TMEM131: variants seen among roughly 807,000 people sequenced by gnomAD.
The protein encoded by TMEM131 is 2610524E03Rik.
TMEM131 carries 66 observed loss-of-function variants against 211.6 expected under a neutral mutation model. The observed-to-expected ratio is 0.31, with a 90% CI of 0.26 to 0.38. The LOEUF (loss-of-function observed/expected upper bound fraction) is 0.38. Ranked by LOEUF, TMEM131 falls within the 10% of genes least tolerant of loss-of-function variation. The pLI, the probability that TMEM131 is intolerant of heterozygous loss-of-function variation, is 1.00. For missense variants in TMEM131, 2,036 were observed against 2,299.3 expected, an observed-to-expected ratio of 0.89 and a Z score of 2.34; for synonymous variants, 844 against 841.3, an observed-to-expected ratio of 1.00 and a Z score of -0.06.
At chr2:97,965,962 T>C (rs1679036649) in intron 1 of TMEM131, among the ~76,000 whole-genome samples, 1 of 151,712 alleles carries the variant, frequency 6.6e-6, no homozygotes, top group Non-Finnish European at 1.5e-5. Flanking sequence ...AGAACAGTAA[T>C]GCAAGGATAA....
intron 38 of TMEM131, chr2:97,760,363 A>T: frequency 1.8e-6 from 1 of 562,744 alleles, no homozygotes; most frequent in Non-Finnish European, 3.2e-6. Flanking sequence ...TGGCTGAGAC[A>T]GGCATGGGTG....
At chr2:97,781,135 C>T (rs1339208398) in intron 31 of TMEM131, among the ~76,000 whole-genome samples, 4 of 152,200 alleles carry the variant, frequency 2.6e-5, no homozygotes, top group Admixed American at 1.3e-4. Flanking sequence ...TTTCCAGGCT[C>T]CCGGCATGGA....
intron 5 of TMEM131, among the ~76,000 whole-genome samples, chr2:97,856,474 G>T (rs1056997792): frequency 9.9e-5 from 15 of 152,072 alleles, no homozygotes; most frequent in African/African-American, 3.6e-4. Flanking sequence ...GTAAAACTTA[G>T]TTTGAACAAT....
At chr2:97,842,961 T>C (rs1158929043) in intron 6 of TMEM131, among the ~76,000 whole-genome samples, 5 of 151,684 alleles carry the variant, frequency 3.3e-5, no homozygotes, top group African/African-American at 7.3e-5. Flanking sequence ...TTACTCACCA[T>C]ACATAAGCAG....
rs139364773 is a variant in TMEM131 at position 97,929,150 on chromosome 2, C to T, written c.188-1663G>A. ...GGAAATACACGAGATGAGAATGGAGCATCCTATAGTGCCGGAAAGTAAAAA... is the reference window on the plus strand; with the variant it reads ...GGAAATACACGAGATGAGAATGGAGTATCCTATAGTGCCGGAAAGTAAAAA... On this transcript the variant is annotated intron_variant, in intron 1 of 40. Coordinates refer to ENST00000186436, the MANE Select transcript of TMEM131 (RefSeq NM_015348.2). Among the ~76,000 whole-genome samples, 24 of 151,582 alleles carry T rather than the reference C, an allele frequency of 1.6e-4. 2 individuals are homozygous for T. Among genetic ancestry groups the T allele is most frequent in the African/African-American group, 5.4e-4 (22 of 40,986 alleles).
chr2:97,842,073 A>AC, intron 6 of TMEM131, 136 bp from the exon 7 acceptor site: 1 of 848,980 alleles, frequency 1.2e-6, no homozygotes, highest in Non-Finnish European at 1.6e-6. Context: ...TTTAAAAAAA[A>AC]CCCCCACAAA....
intron 4 of TMEM131, among the ~76,000 whole-genome samples, chr2:97,884,621 T>C (rs1675066937): frequency 6.6e-6 from 1 of 152,210 alleles, no homozygotes; most frequent in South Asian, 2.1e-4. Flanking sequence ...TGCATATATA[T>C]TTCCAACTGT....
At chr2:97,863,653 C>A (rs1338670684) in intron 4 of TMEM131, among the ~76,000 whole-genome samples, 1 of 152,180 alleles carries the variant, frequency 6.6e-6, no homozygotes, top group East Asian at 1.9e-4. Flanking sequence ...AAAAAATGCT[C>A]AATATGACTA....
At chr2:97,947,517 A>T (rs994505519) in intron 1 of TMEM131, among the ~76,000 whole-genome samples, 2 of 152,140 alleles carry the variant, frequency 1.3e-5, no homozygotes, top group African/African-American at 4.8e-5. Flanking sequence ...CAAAATACTA[A>T]GATAAATATT....
intron 1 of TMEM131, among the ~76,000 whole-genome samples, chr2:97,940,664 C>T (rs538758968): frequency 6.2e-4 from 94 of 151,992 alleles, no homozygotes; most frequent in African/African-American, 2.0e-3. Flanking sequence ...AAAACTTAGC[C>T]GGGTGTGGTG....
intron 31 of TMEM131, among the ~76,000 whole-genome samples, chr2:97,778,103 G>A (rs1679820363): frequency 6.6e-6 from 1 of 152,070 alleles, no homozygotes; most frequent in South Asian, 2.1e-4. Flanking sequence ...TTGGGTGAGG[G>A]GCAGTAAATC....
chr2:97,835,392 T>C (rs1211468651), intron 8 of TMEM131, among the ~76,000 whole-genome samples: 1 of 152,232 alleles, frequency 6.6e-6, no homozygotes, highest in Non-Finnish European at 1.5e-5. Flanking sequence ...CACTGCTCTT[T>C]CATGGAAAAC....
intron 5 of TMEM131, among the ~76,000 whole-genome samples, chr2:97,850,834 T>C (rs148425113): frequency 3.3e-5 from 5 of 152,174 alleles, no homozygotes; most frequent in Non-Finnish European, 7.3e-5. Context: ...TGAAAATGTA[T>C]CCAGAGGAAA....
At chr2:97,957,632 A>G (rs1678631281) in intron 1 of TMEM131, among the ~76,000 whole-genome samples, 1 of 152,170 alleles carries the variant, frequency 6.6e-6, no homozygotes, top group Non-Finnish European at 1.5e-5. Context: ...TTACCTCTTC[A>G]AGACATTAGT....
chr2:97,820,818 T>C (rs1018507299), intron 11 of TMEM131, among the ~76,000 whole-genome samples: 12 of 151,224 alleles, frequency 7.9e-5, no homozygotes, highest in Admixed American at 2.6e-4. Context: ...ATTGGGACAC[T>C]GCACTCCAGC....
chr2:97,883,305 G>T (rs1331059810), intron 4 of TMEM131, among the ~76,000 whole-genome samples: 1 of 152,098 alleles, frequency 6.6e-6, no homozygotes, highest in Non-Finnish European at 1.5e-5. Flanking sequence ...GCTGCTTTGG[G>T]GAACAGTCTT....
intron 1 of TMEM131, among the ~76,000 whole-genome samples, chr2:97,972,502 GGGCAGGCA>G (rs569396801): frequency 2.4e-4 from 36 of 150,732 alleles, no homozygotes; most frequent in Admixed American, 4.6e-4. Context: ...GCAGGCAGGC[GGGCAGGCA>G]GGCAGGCAGG....
intron 11 of TMEM131, among the ~76,000 whole-genome samples, chr2:97,830,150 A>AC (rs1682599988): frequency 2.7e-5 from 4 of 150,732 alleles, no homozygotes; most frequent in South Asian, 2.1e-4. Context: ...AAAAAAAAAA[A>AC]AAAAAACCAA....
At chr2:97,786,531 A>C (rs1462849416) in intron 31 of TMEM131, among the ~76,000 whole-genome samples, 4 of 152,086 alleles carry the variant, frequency 2.6e-5, no homozygotes, top group South Asian at 2.1e-4. Context: ...CAAAACTCCC[A>C]AAAACCAAAA....
Sources: gnomAD v4.1 joint callset for allele counts (sites outside exome capture counted in the v4.1 genomes callset) on GRCh38, gnomAD v4.1.1 for gene constraint, MANE v1.5 for transcripts, NCBI Gene and HGNC (gene_info 2026-07-23, HGNC 2026-07-21) for gene names.